Variants in DMRT3 observed in about 807,000 individuals in gnomAD.
DMRT3 encodes the protein doublesex- and mab-3-related transcription factor 3.
A neutral mutation model predicts 34.9 loss-of-function variants in DMRT3; 29 were observed. The observed-to-expected ratio is 0.83, with a 90% CI of 0.62 to 1.13. The LOEUF is 1.13. Ranked by LOEUF, DMRT3 falls within the 50% of genes most tolerant of loss-of-function variation. DMRT3 has a pLI of 0.00. For missense variants in DMRT3, 772 were observed against 629.1 expected, an observed-to-expected ratio of 1.23 and a Z score of -2.43; for synonymous variants, 350 against 286.0, an observed-to-expected ratio of 1.22 and a Z score of -2.26.
In DMRT3 at chr9:976,930, G is replaced by T; in HGVS notation, c.-72G>T. The T allele has an allele frequency of 7.3e-7, 1 of 1,365,264 alleles. No homozygotes were observed. The allele number at this position is 1,365,264 out of a possible 1,614,324, so 84.6% of individuals were successfully genotyped here. On this transcript the variant is annotated 5_prime_UTR_variant, in exon 1 of 2. Transcript: ENST00000190165. This position sits in a 1 kb window ranked among gnomAD's most constrained non-coding sequence, Gnocchi z 4.5. The stretch of plus-strand genomic sequence containing the variant: ...CGGAGGCCGCCCCTGAGCGGGCCTC[G>T]CAGCCCCGCCGTCCAGCGCTCCCTG...
chr9:982,332 C>T lies in DMRT3; in HGVS notation c.454+4877C>T, dbSNP rs369726127. ...GGAAAAACGAGAGTGTGTTCCACGT[C>T]TAGGAACCAGAGTTCTACTGCCATC... On this transcript the variant is annotated intron_variant, in intron 1 of 1. Coordinates refer to ENST00000190165, the MANE Select transcript of DMRT3 (RefSeq NM_021240.4). Among the ~76,000 whole-genome samples the T allele has an allele frequency of 4.6e-5, 7 of 152,210 alleles. No individual in the cohort carries two copies. In the East Asian group the frequency reaches 7.7e-4, roughly 17 times the overall value.
intron 1 of DMRT3, among the ~76,000 whole-genome samples, chr9:985,992 C>T (rs1210336044): frequency 1.3e-5 from 2 of 152,196 alleles, no homozygotes; most frequent in Non-Finnish European, 2.9e-5. Context: ...GTTAGCTTTT[C>T]TCATATTTTG....
At chr9:980,736 C>G (rs2130058473) in intron 1 of DMRT3, among the ~76,000 whole-genome samples, 1 of 152,202 alleles carries the variant, frequency 6.6e-6, no homozygotes, top group African/African-American at 2.4e-5. Flanking sequence ...GTTAGTGTAT[C>G]TGAATCAGCA....
At chr9:979,349 A>C (rs1159483039) in intron 1 of DMRT3, among the ~76,000 whole-genome samples, 1 of 152,190 alleles carries the variant, frequency 6.6e-6, no homozygotes, top group Non-Finnish European at 1.5e-5. Context: ...TCAACTGGAC[A>C]AAGCAGAGCT....
rs781762963 is a variant in DMRT3, at chr9:990,746, A to G, written c.1160A>G (p.Asn387Ser). 5.2e-5 allele frequency: 84 copies of G among 1,614,056 alleles called. No homozygotes were observed. The highest frequency in any genetic ancestry group is 6.7e-5 in the African/African-American group (5 of 75,006). The change falls in exon 2 of 2, where the codon AAT becomes AGT. Residue 387 changes from asparagine to serine, a missense_variant. Coordinates refer to ENST00000190165, the MANE Select transcript of DMRT3 (RefSeq NM_021240.4). ...ARSQSSPFLP[N>S]DVTLWNTMTL... ...AGCCAGTCGAGCCCCTTTTTGCCCA[A>G]TGATGTCACCCTGTGGAACACCATG...
Position 990,844 on chromosome 9 carries a change from A to G in DMRT3, c.1258A>G (p.Arg420Gly). ...CCCCAGTAACTCTACCAGCGTCTTCAGAAGCTCGCCCGTCCTTCCTGCCCG... is the reference window on the plus strand; with the variant it reads ...CCCCAGTAACTCTACCAGCGTCTTCGGAAGCTCGCCCGTCCTTCCTGCCCG... ...PFPSNSTSVFRSSPVLPARAT... is the reference protein window; with the variant it reads ...PFPSNSTSVFGSSPVLPARAT... The change falls in exon 2 of 2, where the codon AGA (arginine) becomes GGA (glycine). Residue 420 changes from arginine (R) to glycine (G), a missense_variant. Coordinates refer to ENST00000190165, the MANE Select transcript of DMRT3 (RefSeq NM_021240.4). 1.2e-6 allele frequency: 2 copies of G among 1,614,130 alleles called. No individual in the cohort carries two copies. The highest frequency in any genetic ancestry group is 1.7e-6 in the Non-Finnish European group (2 of 1,180,004).
In DMRT3 at chr9:977,241, C is replaced by A. The variant is rs745544353; in HGVS notation, c.240C>A (p.Asn80Lys). The A allele has an allele frequency of 6.3e-7, 1 of 1,598,440 alleles. No individual in the cohort carries two copies. The highest frequency in any genetic ancestry group is 1.1e-5 in the South Asian group (1 of 89,068). Residue 80 changes from asparagine to lysine, a missense_variant, in exon 1 of 2, where the codon AAC becomes AAA. Asn to Lys is a moderately conservative substitution (Grantham distance 94). Coordinates refer to ENST00000190165, the MANE Select transcript of DMRT3 (RefSeq NM_021240.4). ...TGGCGCTGCGCCGGCAGCAGGCCAA[C>A]GAGAGCTTGGAGAGCCTCATCCCCG... ...AQVALRRQQA[N>K]ESLESLIPDS...
intron 1 of DMRT3, among the ~76,000 whole-genome samples, chr9:982,130 C>G (rs770356429): frequency 6.6e-6 from 1 of 152,254 alleles, no homozygotes; most frequent in Non-Finnish European, 1.5e-5. Flanking sequence ...GTTATTTTAT[C>G]TGGCAACCAT....
At chr9:985,187 CAT>C (rs1394834720) in intron 1 of DMRT3, among the ~76,000 whole-genome samples, 8 of 152,086 alleles carry the variant, frequency 5.3e-5, no homozygotes, top group Non-Finnish European at 1.0e-4. Flanking sequence ...AAAATATGTA[CAT>C]GTTTAGCAAT....
intron 1 of DMRT3, among the ~76,000 whole-genome samples, chr9:985,474 A>G (rs1334876044): frequency 2.0e-5 from 3 of 152,214 alleles, no homozygotes; most frequent in Non-Finnish European, 4.4e-5. Flanking sequence ...AACTAGAATG[A>G]TTTGTAAAGT....
chr9:977,380 T>C lies in DMRT3; in HGVS notation c.379T>C (p.Leu127=). The C allele has an allele frequency of 8.1e-7, 1 of 1,230,352 alleles. No individual in the cohort carries two copies. The highest frequency in any genetic ancestry group is 1.0e-6 in the Non-Finnish European group (1 of 987,840). 76.2% of individuals were successfully genotyped at this position (1,230,352 alleles called of 1,614,324 possible). A position where few individuals can be genotyped will look rare whatever the true frequency, so the allele number is the denominator to read the frequency against. Residue 127 remains leucine, a synonymous_variant, in exon 1 of 2, where the codon TTG becomes CTG. Transcript: ENST00000190165. ...QPQPPRPAAE[L]AAAAALRWTA... is the part of the protein sequence containing the mutation. ...GCAGCCGCCGCGCCCTGCTGCCGAG[T>C]TGGCCGCGGCCGCCGCGCTGCGTTG...
At chr9:986,909 G>T (rs1820291931) in intron 1 of DMRT3, among the ~76,000 whole-genome samples, 1 of 144,152 alleles carries the variant, frequency 6.9e-6, no homozygotes, top group Admixed American at 7.0e-5. Context: ...AAAAAAAGTT[G>T]AGCTTTGAGC....
In DMRT3 at chr9:990,898, C is replaced by A; in HGVS notation, c.1312C>A (p.Pro438Thr). Residue 438 changes from proline (P) to threonine (T), a missense_variant, in exon 2 of 2, where the codon CCT (proline) becomes ACT (threonine). Pro to Thr is a conservative substitution (Grantham distance 38). Coordinates refer to ENST00000190165, the MANE Select transcript of DMRT3 (RefSeq NM_021240.4). ...RATEDPRISIPDDGCPFVSKQ... is the reference protein window; with the variant it reads ...RATEDPRISITDDGCPFVSKQ... ...CACGGAAGACCCTCGGATTTCCATC[C>A]CTGATGATGGGTGTCCATTTGTGTC... 1.9e-6 allele frequency: 3 copies of A among 1,614,154 alleles called. No homozygotes were observed. The highest frequency in any genetic ancestry group is 2.5e-6 in the Non-Finnish European group (3 of 1,180,036).
intron 1 of DMRT3, among the ~76,000 whole-genome samples, chr9:987,474 A>G (rs1223996622): frequency 2.6e-5 from 4 of 151,390 alleles, no homozygotes; most frequent in African/African-American, 9.8e-5. Flanking sequence ...CGTTTTATAC[A>G]TTCATGCACT....
chr9:982,179 AG>A, intron 1 of DMRT3, among the ~76,000 whole-genome samples: 1 of 152,314 alleles, frequency 6.6e-6, no homozygotes, highest in Admixed American at 6.5e-5. Flanking sequence ...GTACCCACGC[AG>A]GGCACCCCTT....
intron 1 of DMRT3, among the ~76,000 whole-genome samples, chr9:983,140 A>G (rs1054041645): frequency 1.3e-5 from 2 of 152,134 alleles, no homozygotes; most frequent in Admixed American, 1.3e-4. Context: ...TTTGCATTTT[A>G]TTGCATAAAC....
At chr9:979,971 GA>G (rs1820197214) in intron 1 of DMRT3, among the ~76,000 whole-genome samples, 2 of 152,240 alleles carry the variant, frequency 1.3e-5, no homozygotes, top group Admixed American at 1.3e-4. Context: ...CAGACCATCA[GA>G]AATCTTTCAA....
intron 1 of DMRT3, among the ~76,000 whole-genome samples, chr9:984,210 C>G: frequency 6.6e-6 from 1 of 152,124 alleles, no homozygotes; most frequent in Admixed American, 6.5e-5. Flanking sequence ...CATCAAGGAC[C>G]TGTTATTTAC....
Position 991,121 on chromosome 9 carries a change from G to A in DMRT3, c.*116G>A. On this transcript the variant is annotated 3_prime_UTR_variant, in exon 2 of 2. Transcript: ENST00000190165. Reference sequence around the variant, plus strand: ...TTTCCTTCTGTTTGACAAAGTGACTGTGCTTGATTCTATACATTAGCAATA... The same window carrying A: ...TTTCCTTCTGTTTGACAAAGTGACTATGCTTGATTCTATACATTAGCAATA... 3.0e-6 allele frequency: 4 copies of A among 1,353,730 alleles called. No homozygotes were observed. Among genetic ancestry groups the A allele is most frequent in the Non-Finnish European group, 4.0e-6 (4 of 997,620 alleles). The allele number at this position is 1,353,730 out of a possible 1,614,324, so 83.9% of individuals were successfully genotyped here. A position where few individuals can be genotyped will look rare whatever the true frequency, so the allele number is the denominator to read the frequency against.
Sources: allele counts gnomAD v4.1 joint callset (sites outside exome capture counted in the v4.1 genomes callset), GRCh38; gene constraint gnomAD v4.1.1; non-coding constraint Gnocchi (gnomAD v3.1); transcripts MANE v1.5; gene names NCBI Gene and HGNC (gene_info 2026-07-23, HGNC 2026-07-21).